GLRA3: variants seen among roughly 807,000 people sequenced by gnomAD.
The protein encoded by GLRA3 is glycine receptor alpha 3.
Under a neutral mutation model 60.4 loss-of-function variants are expected in GLRA3, and 44 were observed. The observed-to-expected ratio is 0.73, with a 90% CI of 0.57 to 0.94. GLRA3 has a LOEUF of 0.94. GLRA3 is among the 40% of genes least tolerant of loss of function. The pLI is 0.00. For synonymous variants in GLRA3, 223 were observed against 192.9 expected (o/e 1.16, Z -1.29); for missense variants, 508 against 564.6 (o/e 0.90, Z 1.02).
rs1334932345 is a variant in GLRA3, at chr4:174,682,809, G to A, written c.705C>T (p.Tyr235=). The A allele has an allele frequency of 2.4e-5, 38 of 1,611,458 alleles. No individual in the cohort carries two copies. Among genetic ancestry groups the A allele is most frequent in the Non-Finnish European group, 2.9e-5 (34 of 1,177,866 alleles). The change falls in exon 6 of 10, where the codon TAC becomes TAT. Residue 235 remains tyrosine, a synonymous_variant. Coordinates refer to ENST00000274093, the MANE Select transcript of GLRA3 (RefSeq NM_006529.4). ...ACACTACTCAACCCCTACCTGTATT[G>A]TAATGTTTAGTGCAGTATCGTAAAT... ...EKDLRYCTKH[Y]NTGKFTCIEV...
chr4:174,690,017 T>TA (rs1374659078), intron 5 of GLRA3, among the ~76,000 whole-genome samples: 1 of 152,056 alleles, frequency 6.6e-6, no homozygotes, highest in Non-Finnish European at 1.5e-5. Context: ...TATTCAGCCA[T>TA]AAAAAGAATG....
chr4:174,724,130 T>G (rs535387078), intron 4 of GLRA3, among the ~76,000 whole-genome samples: 1 of 151,756 alleles, frequency 6.6e-6, no homozygotes, highest in South Asian at 2.1e-4. Context: ...AACTGAAATA[T>G]ATCATGTAGG....
At chr4:174,817,979 A>T (rs1261174272) in intron 1 of GLRA3, among the ~76,000 whole-genome samples, 1 of 152,144 alleles carries the variant, frequency 6.6e-6, no homozygotes, top group Non-Finnish European at 1.5e-5. Flanking sequence ...CTAAAGAGAG[A>T]TTATCAGATT....
intron 9 of GLRA3, among the ~76,000 whole-genome samples, chr4:174,648,553 G>C (rs571645602): frequency 9.9e-5 from 15 of 152,256 alleles, no homozygotes; most frequent in African/African-American, 3.4e-4. Flanking sequence ...CTACAGAAGA[G>C]TAGATATGTT....
chr4:174,718,100 G>C (rs10035036), intron 4 of GLRA3, among the ~76,000 whole-genome samples: 1 of 152,198 alleles, frequency 6.6e-6, no homozygotes, highest in East Asian at 1.9e-4. Context: ...GTAGGACTTC[G>C]GTCATAAATC....
chr4:174,788,706 G>T, intron 2 of GLRA3, 110 bp downstream of exon 2: 1 of 638,622 alleles, frequency 1.6e-6, no homozygotes, highest in Non-Finnish European at 2.5e-6. Flanking sequence ...TGCAATATTT[G>T]GAAGATTGTT....
chr4:174,724,221 C>T (rs1736232971), intron 4 of GLRA3, among the ~76,000 whole-genome samples: 1 of 151,824 alleles, frequency 6.6e-6, no homozygotes, highest in African/African-American at 2.4e-5. Context: ...TATTAGTGAA[C>T]ATATATAGGC....
intron 5 of GLRA3, among the ~76,000 whole-genome samples, chr4:174,701,788 A>G (rs1348207964): frequency 1.3e-5 from 2 of 152,226 alleles, no homozygotes; most frequent in East Asian, 3.8e-4. Context: ...AAGTAATTGC[A>G]GATGTGGCAG....
chr4:174,825,753 A>G (rs188666903), intron 1 of GLRA3, among the ~76,000 whole-genome samples: 116 of 152,222 alleles, frequency 7.6e-4, no homozygotes, highest in African/African-American at 2.7e-3. Flanking sequence ...TTTTTTGTAA[A>G]TATTTTGTAA....
chr4:174,790,383 AT>A (rs921101638), intron 1 of GLRA3, among the ~76,000 whole-genome samples: 2 of 127,614 alleles, frequency 1.6e-5, no homozygotes, highest in Admixed American at 8.9e-5. Flanking sequence ...TAATAAATAT[AT>A]TTTTTTAAAA....
In GLRA3 at chr4:174,783,656, G is replaced by A. The variant is rs545215674; in HGVS notation, c.199+5160C>T. The stretch of plus-strand genomic sequence containing the variant: ...CAAACAACCCCATCAAAAAGTGGGC[G>A]AAGGACATGAACAGACACTTCTCAA... On this transcript the variant is annotated intron_variant, in intron 2 of 9. Coordinates refer to ENST00000274093, the MANE Select transcript of GLRA3 (RefSeq NM_006529.4). 4.9e-3 allele frequency among the ~76,000 whole-genome samples: 715 copies of A among 144,876 alleles called. 6 individuals carry two copies. The highest frequency in any genetic ancestry group is 0.016 in the African/African-American group (621 of 39,152).
intron 5 of GLRA3, among the ~76,000 whole-genome samples, chr4:174,685,575 C>G (rs1221254264): frequency 6.6e-6 from 1 of 152,136 alleles, no homozygotes; most frequent in Non-Finnish European, 1.5e-5. Flanking sequence ...GTCCCCTAGG[C>G]TGATGGATTT....
chr4:174,653,816 T>C (rs1425857465), intron 9 of GLRA3, among the ~76,000 whole-genome samples: 1 of 152,122 alleles, frequency 6.6e-6, no homozygotes, highest in Non-Finnish European at 1.5e-5. Context: ...AAAATGCATG[T>C]AAATTTGAAC....
rs1390941145 is a variant in GLRA3 at position 174,642,264 on chromosome 4, G to A, written c.*1522C>T. ...TTTTGCTTTTAATTTGAAAGTGGTT[G>A]AAGGGTAGAAAATAGCATCTTGTTA... On this transcript the variant is annotated 3_prime_UTR_variant, in exon 10 of 10. Coordinates refer to ENST00000274093, the MANE Select transcript of GLRA3 (RefSeq NM_006529.4). 1 of 937,410 alleles carries A rather than the reference G, an allele frequency of 1.1e-6. No homozygotes were observed. Among genetic ancestry groups the A allele is most frequent in the Admixed American group, 6.2e-5 (1 of 16,160 alleles). The allele number at this position is 937,410 out of a possible 1,614,324, so 58.1% of individuals were successfully genotyped here.
At chr4:174,824,861 T>A (rs1000020521) in intron 1 of GLRA3, among the ~76,000 whole-genome samples, 1 of 152,154 alleles carries the variant, frequency 6.6e-6, no homozygotes, top group African/African-American at 2.4e-5. Context: ...AAAGGTGACA[T>A]TTGTTCAATC....
At chr4:174,648,489 A>G (rs1732913867) in intron 9 of GLRA3, among the ~76,000 whole-genome samples, 1 of 152,058 alleles carries the variant, frequency 6.6e-6, no homozygotes, top group Non-Finnish European at 1.5e-5. Context: ...CAATCAATCA[A>G]TCTCTGCTGA....
At chr4:174,713,673 A>G (rs774957767) in intron 5 of GLRA3, 2 of 152,120 alleles carry the variant, frequency 1.3e-5, no homozygotes, top group African/African-American at 4.8e-5. Flanking sequence ...AATCGTGTTG[A>G]TTTTAATTTG....
chr4:174,778,876 C>T (rs537165013), intron 2 of GLRA3, among the ~76,000 whole-genome samples: 206 of 152,290 alleles, frequency 1.4e-3, no homozygotes, highest in African/African-American at 4.6e-3. Flanking sequence ...AACTGCAAGG[C>T]GGCAGTGAGG....
chr4:174,792,673 G>T (rs1739402575), intron 1 of GLRA3, among the ~76,000 whole-genome samples: 1 of 152,128 alleles, frequency 6.6e-6, no homozygotes, highest in African/African-American at 2.4e-5. Flanking sequence ...GATTGCCTTA[G>T]GCACCTGTGA....
Sources: gnomAD v4.1 joint callset for allele counts (sites outside exome capture counted in the v4.1 genomes callset) on GRCh38, gnomAD v4.1.1 for gene constraint, MANE v1.5 for transcripts, NCBI Gene and HGNC (gene_info 2026-07-23, HGNC 2026-07-21) for gene names.